Variants in GCNT1 observed in about 807,000 individuals in gnomAD.
The protein encoded by GCNT1 is beta-1,3-galactosyl-O-glycosyl-glycoprotein beta-1,6-N-acetylglucosaminyltransferase.
Under a neutral mutation model 26.2 loss-of-function variants are expected in GCNT1, and 16 were observed. The observed-to-expected ratio is 0.61, with a 90% CI of 0.41 to 0.93. GCNT1 has a LOEUF of 0.93. Among genes scored for constraint, GCNT1 ranks in the 40% least tolerant of loss-of-function variants. The pLI is 0.00. For synonymous variants in GCNT1, 183 were observed against 190.8 expected (o/e 0.96, Z 0.34); for missense variants, 477 against 526.7 (o/e 0.91, Z 0.92).
chr9:76,440,893 A>G (rs1299765362), upstream of GCNT1, among the ~76,000 whole-genome samples: 3 of 151,770 alleles, frequency 2.0e-5, no homozygotes, highest in Non-Finnish European at 2.9e-5. Flanking sequence ...GTGAAACCCC[A>G]TCTCTACTAA....
At chr9:76,439,974 A>G (rs2131580794), upstream of GCNT1, among the ~76,000 whole-genome samples, 1 of 151,956 alleles carries the variant, frequency 6.6e-6, no homozygotes, top group Admixed American at 6.6e-5. Flanking sequence ...GGTGGTGGGC[A>G]CCTGTAATCC....
chr9:76,480,988 C>A (rs1824407551), intron 2 of GCNT1, among the ~76,000 whole-genome samples: 1 of 151,940 alleles, frequency 6.6e-6, no homozygotes, highest in Non-Finnish European at 1.5e-5. Flanking sequence ...CCTGTAATCC[C>A]AGCACTTTGG....
chr9:76,498,754 CAA>C (rs1188122577), intron 2 of GCNT1, among the ~76,000 whole-genome samples: 23 of 108,042 alleles, frequency 2.1e-4, no homozygotes, highest in African/African-American at 8.6e-4. Context: ...GCGTGGGCAA[CAA>C]GAGCAAAATT....
the GCNT1 span, chr9:76,394,432 G>T: frequency 2.5e-6 from 1 of 406,896 alleles, no homozygotes; most frequent in East Asian, 4.4e-5. Flanking sequence ...TAAGTGCCGG[G>T]TGTGAGCGGG....
At chr9:76,434,029 T>C (rs2131578106) in intron 1 of GCNT1, among the ~76,000 whole-genome samples, 1 of 152,300 alleles carries the variant, frequency 6.6e-6, no homozygotes, top group African/African-American at 2.4e-5. Flanking sequence ...ACCTAAGAAG[T>C]AGAAGTTACA....
At chr9:76,477,034 C>T (rs913664336) in intron 2 of GCNT1, among the ~76,000 whole-genome samples, 5 of 151,980 alleles carry the variant, frequency 3.3e-5, no homozygotes, top group African/African-American at 1.2e-4. Flanking sequence ...CGTGCCTCAG[C>T]GTCCCGAGTA....
At chr9:76,487,473 C>G (rs1389826875) in intron 2 of GCNT1, among the ~76,000 whole-genome samples, 1 of 152,198 alleles carries the variant, frequency 6.6e-6, no homozygotes, top group Non-Finnish European at 1.5e-5. Flanking sequence ...GTTGGTGACC[C>G]AGGTTTATCC....
upstream of GCNT1, among the ~76,000 whole-genome samples, chr9:76,418,076 C>A (rs1382510380): frequency 4.6e-5 from 7 of 152,070 alleles, no homozygotes; most frequent in Admixed American, 3.9e-4. Context: ...CATGAGACAT[C>A]AATCAAATAC....
At chr9:76,401,510 A>G in the GCNT1 span, among the ~76,000 whole-genome samples, 3 of 152,242 alleles carry the variant, frequency 2.0e-5, no homozygotes, top group Admixed American at 6.5e-5. Context: ...AAATTTACTC[A>G]ATAAGAACAC....
intron 2 of GCNT1, among the ~76,000 whole-genome samples, chr9:76,478,190 A>G (rs506467): frequency 0.076 from 11,582 of 151,964 alleles, 511 homozygotes; most frequent in South Asian, 0.12. Context: ...CCTTCCATGT[A>G]GTGGAAACTT....
chr9:76,469,116 A>T (rs190789386), intron 2 of GCNT1, among the ~76,000 whole-genome samples: 106 of 110,994 alleles, frequency 9.6e-4, no homozygotes, highest in African/African-American at 2.5e-3. Flanking sequence ...GAGGAAACTA[A>T]GTGTCAAGAT....
intron 2 of GCNT1, among the ~76,000 whole-genome samples, chr9:76,460,446 C>A (rs962093421): frequency 7.2e-5 from 11 of 152,204 alleles, no homozygotes; most frequent in Non-Finnish European, 1.0e-4. Context: ...ATTCTGCCCC[C>A]CTTCCAGAGC....
intron 2 of GCNT1, among the ~76,000 whole-genome samples, chr9:76,484,063 T>C (rs571033175): frequency 3.5e-4 from 54 of 152,312 alleles, no homozygotes; most frequent in Non-Finnish European, 6.9e-4. Flanking sequence ...GTGGGTTATA[T>C]CTATTGGTAT....
chr9:76,473,749 G>A (rs925433319), intron 2 of GCNT1, among the ~76,000 whole-genome samples: 1 of 152,204 alleles, frequency 6.6e-6, no homozygotes, highest in African/African-American at 2.4e-5. Context: ...CAGTCCGGTT[G>A]GAGAGCTGAA....
At position 76,502,314 on chromosome 9, in the gene GCNT1, G is replaced by A; in HGVS notation, c.-68G>A. ...ACAACCTTCAAGGCCACGACGGAGG[G>A]AAAATCATTGGTGCTTGGAGCATAG... On this transcript the variant is annotated 5_prime_UTR_variant, in exon 4 of 4. Transcript: ENST00000376730. 1 of 1,123,794 alleles carries A rather than the reference G, an allele frequency of 8.9e-7. No homozygotes were observed. The highest frequency in any genetic ancestry group is 1.3e-6 in the Non-Finnish European group (1 of 773,916). The allele number at this position is 1,123,794 out of a possible 1,614,324, so 69.6% of individuals were successfully genotyped here.
rs953621964 is a variant in GCNT1, at chr9:76,505,865, G to A, written c.*2197G>A. The stretch of plus-strand genomic sequence containing the variant: ...TTCTTCATCATAAATGTAAACATAG[G>A]ATTTTAGAGTCTATTTCCCCAAGCG... On this transcript the variant is annotated 3_prime_UTR_variant, in exon 4 of 4. Coordinates refer to ENST00000376730, the MANE Select transcript of GCNT1 (RefSeq NM_001490.5). 1.2e-5 allele frequency: 2 copies of A among 165,734 alleles called. No individual in the cohort carries two copies. The highest frequency in any genetic ancestry group is 2.9e-5 in the Non-Finnish European group (2 of 68,092). 10.3% of individuals were successfully genotyped at this position (165,734 alleles called of 1,614,324 possible).
intron 2 of GCNT1, among the ~76,000 whole-genome samples, chr9:76,492,042 A>C (rs1016864406): frequency 2.6e-5 from 4 of 152,196 alleles, no homozygotes; most frequent in African/African-American, 9.6e-5. Context: ...CTACTGTATC[A>C]ATTTCCTTAC....
the GCNT1 span, among the ~76,000 whole-genome samples, chr9:76,413,618 A>G: frequency 3.0e-4 from 43 of 143,066 alleles, no homozygotes; most frequent in Non-Finnish European, 5.0e-4. Context: ...GGCAGTTTGC[A>G]TATGATATGC....
intron 1 of GCNT1, among the ~76,000 whole-genome samples, chr9:76,426,429 A>AT (rs1489916863): frequency 1.3e-5 from 2 of 152,098 alleles, no homozygotes; most frequent in Non-Finnish European, 2.9e-5. Flanking sequence ...TTAGGCAGGC[A>AT]TGGTGATGCA....
Sources: allele counts gnomAD v4.1 joint callset (sites outside exome capture counted in the v4.1 genomes callset), GRCh38; gene constraint gnomAD v4.1.1; transcripts MANE v1.5; gene names NCBI Gene and HGNC (gene_info 2026-07-23, HGNC 2026-07-21).